CHL1: variants seen among roughly 807,000 people sequenced by gnomAD.
CHL1 encodes the protein neural cell adhesion molecule L1-like protein.
A neutral mutation model predicts 141.9 loss-of-function variants in CHL1; 96 were observed. The observed-to-expected ratio is 0.68, with a 90% CI of 0.57 to 0.80. The LOEUF is 0.80. CHL1 is among the 30% of genes least tolerant of loss of function. CHL1 has a pLI of 0.00. For synonymous variants in CHL1, 613 were observed against 502.2 expected (o/e 1.22, Z -2.95); for missense variants, 1,820 against 1,457.2 (o/e 1.25, Z -4.05).
At chr3:378,466 G>A (rs1000772282) in intron 16 of CHL1, among the ~76,000 whole-genome samples, 17 of 152,054 alleles carry the variant, frequency 1.1e-4, no homozygotes, top group African/African-American at 4.1e-4. Context: ...TACTAATCAG[G>A]AAACAGTGTG....
At chr3:395,963 G>T (rs1401803606) in intron 24 of CHL1, among the ~76,000 whole-genome samples, 1 of 152,142 alleles carries the variant, frequency 6.6e-6, no homozygotes, top group Non-Finnish European at 1.5e-5. Flanking sequence ...GTTTGTGTGT[G>T]AATGGTTATG....
chr3:382,456 C>G lies in CHL1; in HGVS notation c.1979-18C>G. 6.2e-7 allele frequency: 1 copy of G among 1,600,686 alleles called. No homozygotes were observed. Among genetic ancestry groups the G allele is most frequent in the Non-Finnish European group, 8.6e-7 (1 of 1,168,940 alleles). ...TACTCCATACATTCTAATATTTTTT[C>G]CCTGTTTATACTACCAGAGTATATT... On this transcript the variant is annotated intron_variant, in intron 17 of 27. Transcript: ENST00000256509.
intron 2 of CHL1, among the ~76,000 whole-genome samples, chr3:303,163 A>G (rs1403129692): frequency 1.3e-5 from 2 of 152,080 alleles, no homozygotes; most frequent in Non-Finnish European, 2.9e-5. Context: ...TGTAGTTTGA[A>G]GTTAGGTAGC....
intron 2 of CHL1, among the ~76,000 whole-genome samples, chr3:296,109 C>A (rs187870133): frequency 4.6e-4 from 70 of 152,222 alleles, no homozygotes; most frequent in African/African-American, 1.6e-3. Flanking sequence ...TTAGCACATT[C>A]TTTGGAATAT....
chr3:399,700 A>G (rs916244823), intron 26 of CHL1, among the ~76,000 whole-genome samples: 7 of 152,182 alleles, frequency 4.6e-5, no homozygotes, highest in African/African-American at 9.7e-5. Flanking sequence ...CCAAGCTTCT[A>G]TTGTCTATCT....
intron 2 of CHL1, among the ~76,000 whole-genome samples, chr3:271,424 G>A (rs1347220616): frequency 6.6e-6 from 1 of 152,194 alleles, no homozygotes; most frequent in Non-Finnish European, 1.5e-5. Flanking sequence ...GGGCAATAGA[G>A]TGAGACCCTG....
At chr3:204,266 T>C (rs1481088663) in intron 1 of CHL1, among the ~76,000 whole-genome samples, 1 of 152,244 alleles carries the variant, frequency 6.6e-6, no homozygotes, top group Non-Finnish European at 1.5e-5. Flanking sequence ...AAGCTTTTGC[T>C]GTAAGTGGTG....
chr3:349,617 T>A, intron 10 of CHL1, 74 bp downstream of exon 10: 1 of 1,250,686 alleles, frequency 8.0e-7, no homozygotes, highest in Non-Finnish European at 1.1e-6. Flanking sequence ...GCCTTGCTTC[T>A]AAATCATACA....
At chr3:304,476 T>C (rs540414295) in intron 2 of CHL1, among the ~76,000 whole-genome samples, 21 of 152,342 alleles carry the variant, frequency 1.4e-4, no homozygotes, top group Middle Eastern at 3.4e-3. Flanking sequence ...TGGGAGGGTG[T>C]ATGTGTCCAG....
chr3:365,858 TG>T, intron 14 of CHL1, 91 bp from the exon 15 acceptor site: 1 of 883,360 alleles, frequency 1.1e-6, no homozygotes, highest in Non-Finnish European at 1.7e-6. Context: ...TGGACAGTTA[TG>T]GTGACAATTT....
chr3:398,140 T>A lies in CHL1; in HGVS notation c.3095-87T>A. On this transcript the variant is annotated intron_variant, in intron 24 of 27. Coordinates refer to ENST00000256509, the MANE Select transcript of CHL1 (RefSeq NM_006614.4). The stretch of plus-strand genomic sequence containing the variant: ...TGAGAAAATATGGTATAAGTGACTT[T>A]CTTATTCACCTCTAACAACAATATT... 6.0e-6 allele frequency: 5 copies of A among 839,808 alleles called. No individual in the cohort carries two copies. In the East Asian group the frequency reaches 1.5e-4, roughly 25 times the overall value. 52.0% of individuals were successfully genotyped at this position (839,808 alleles called of 1,614,324 possible). A position where few individuals can be genotyped will look rare whatever the true frequency, so the allele number is the denominator to read the frequency against.
At chr3:342,940 C>A in intron 7 of CHL1, 44 bp from the exon 8 acceptor site, 7 of 1,489,568 alleles carry the variant, frequency 4.7e-6, no homozygotes, top group Non-Finnish European at 6.4e-6. Context: ...ATATCAGCAT[C>A]CACCATTATG....
intron 24 of CHL1, among the ~76,000 whole-genome samples, chr3:396,123 A>T (rs1362456587): frequency 6.6e-6 from 1 of 152,194 alleles, no homozygotes; most frequent in Non-Finnish European, 1.5e-5. Flanking sequence ...CTTCCCTAAA[A>T]CTCACAAAGT....
chr3:301,177 C>T (rs977648069), intron 2 of CHL1, among the ~76,000 whole-genome samples: 1 of 152,118 alleles, frequency 6.6e-6, no homozygotes, highest in South Asian at 2.1e-4. Flanking sequence ...GGGATTCAGA[C>T]CCCAGAGTGT....
chr3:332,568 TA>T (rs1392300237), intron 5 of CHL1, among the ~76,000 whole-genome samples: 1 of 152,154 alleles, frequency 6.6e-6, no homozygotes, highest in African/African-American at 2.4e-5. Context: ...TTTATATTCT[TA>T]AAATGAGTAA....
intron 15 of CHL1, chr3:376,371 T>G (rs1222222909): frequency 9.7e-6 from 5 of 516,076 alleles, no homozygotes; most frequent in African/African-American, 1.9e-5. Context: ...CATCTCCAAA[T>G]GTACTGATTT....
At chr3:274,814 C>A (rs1695947118) in intron 2 of CHL1, among the ~76,000 whole-genome samples, 1 of 152,144 alleles carries the variant, frequency 6.6e-6, no homozygotes, top group Non-Finnish European at 1.5e-5. Flanking sequence ...TGTATAATGA[C>A]TTACCCAATT....
intron 1 of CHL1, among the ~76,000 whole-genome samples, chr3:224,990 G>A (rs562585106): frequency 3.3e-5 from 5 of 152,022 alleles, no homozygotes; most frequent in African/African-American, 4.8e-5. Context: ...AGAAAAATTA[G>A]CCAGGTGTGG....
At chr3:292,841 A>G (rs1697817448) in intron 2 of CHL1, among the ~76,000 whole-genome samples, 1 of 152,092 alleles carries the variant, frequency 6.6e-6, no homozygotes, top group Non-Finnish European at 1.5e-5. Context: ...AGAACTCACT[A>G]TCATGGACAG....
Sources: gnomAD v4.1 joint callset for allele counts (sites outside exome capture counted in the v4.1 genomes callset) on GRCh38, gnomAD v4.1.1 for gene constraint, MANE v1.5 for transcripts, NCBI Gene and HGNC (gene_info 2026-07-23, HGNC 2026-07-21) for gene names.